MARCHF3: variants seen among roughly 807,000 people sequenced by gnomAD.
MARCHF3 encodes E3 ubiquitin-protein ligase MARCHF3.
Under a neutral mutation model 24.2 loss-of-function variants are expected in MARCHF3, and 13 were observed. That is an observed-to-expected ratio of 0.54 (90% confidence interval 0.35 to 0.85). MARCHF3 has a LOEUF of 0.85. Ranked by LOEUF, MARCHF3 falls within the 40% of genes least tolerant of loss-of-function variation. The probability of loss-of-function intolerance (pLI) is 0.01; values close to 1 mark genes in which losing one functional copy is unlikely to be tolerated. For missense variants in MARCHF3, 276 were observed against 325.0 expected, an observed-to-expected ratio of 0.85 and a Z score of 1.16; for synonymous variants, 144 against 137.3, an observed-to-expected ratio of 1.05 and a Z score of -0.34.
At chr5:126,900,071 C>G (rs1293557622) in intron 3 of MARCHF3, among the ~76,000 whole-genome samples, 1 of 152,106 alleles carries the variant, frequency 6.6e-6, no homozygotes, top group African/African-American at 2.4e-5. Context: ...ATCCTTCCCT[C>G]CTTGCTAACT....
At chr5:126,995,195 A>G (rs1243639434) in intron 1 of MARCHF3, among the ~76,000 whole-genome samples, 1 of 151,728 alleles carries the variant, frequency 6.6e-6, no homozygotes, top group Non-Finnish European at 1.5e-5. Context: ...ATTAACCACT[A>G]CTCTTGGTCT....
chr5:126,999,950 T>A (rs1368735766), intron 1 of MARCHF3, among the ~76,000 whole-genome samples: 2 of 151,394 alleles, frequency 1.3e-5, no homozygotes, highest in African/African-American at 4.8e-5. Flanking sequence ...CTAGTGAGAC[T>A]CTGACTTAAG....
chr5:126,959,571 C>T (rs1750570127), intron 1 of MARCHF3, among the ~76,000 whole-genome samples: 1 of 152,094 alleles, frequency 6.6e-6, no homozygotes, highest in Non-Finnish European at 1.5e-5. Flanking sequence ...TAGCTAATAT[C>T]ATAATAATGC....
chr5:126,951,051 C>A (rs1228464787), intron 1 of MARCHF3, among the ~76,000 whole-genome samples: 1 of 152,156 alleles, frequency 6.6e-6, no homozygotes, highest in Non-Finnish European at 1.5e-5. Flanking sequence ...CTTCTGCCAC[C>A]ACCACTTCAA....
rs368154534 is a variant in MARCHF3 at position 127,019,139 on chromosome 5, G to T, written c.-57+11211C>A. ...AATTAGTACATTCAAGTTCATTAGG[G>T]TTTATTGTGGTTCTACTCAGAATAA... On this transcript the variant is annotated intron_variant, in intron 1 of 4. Coordinates refer to ENST00000308660, the MANE Select transcript of MARCHF3 (RefSeq NM_178450.5). Among the ~76,000 whole-genome samples, 8 of 152,194 alleles carry T rather than the reference G, an allele frequency of 5.3e-5. No individual in the cohort carries two copies. In the East Asian group the frequency reaches 1.5e-3, roughly 29 times the overall value.
chr5:126,908,793 C>A (rs4448052), intron 3 of MARCHF3, among the ~76,000 whole-genome samples: 5 of 151,594 alleles, frequency 3.3e-5, no homozygotes, highest in East Asian at 1.9e-4. Context: ...AGAGTAATTC[C>A]ATCGTCTGAA....
chr5:126,888,614 A>C (rs1753572836), intron 3 of MARCHF3, among the ~76,000 whole-genome samples: 1 of 152,256 alleles, frequency 6.6e-6, no homozygotes, highest in Admixed American at 6.5e-5. Context: ...CTTCAGAATT[A>C]TGTGGCATAT....
In MARCHF3 at chr5:126,909,588, T is replaced by G. The variant is rs145264604; in HGVS notation, c.393+5342A>C. On this transcript the variant is annotated intron_variant, in intron 3 of 4. Coordinates refer to ENST00000308660, the MANE Select transcript of MARCHF3 (RefSeq NM_178450.5). ...GGTGGGAGTGACTCGATTTTCCAGG[T>G]GTCGTCTGTCACCACTTTCTTTGAC... Among the ~76,000 whole-genome samples, 47 of 152,330 alleles carry G rather than the reference T, an allele frequency of 3.1e-4. No homozygotes were observed. The East Asian group carries it at 8.5e-3, about 27-fold the overall frequency.
chr5:126,920,987 T>C (rs921988079), intron 1 of MARCHF3, among the ~76,000 whole-genome samples: 15 of 151,816 alleles, frequency 9.9e-5, no homozygotes, highest in African/African-American at 3.6e-4. Context: ...AACCACACCT[T>C]GCCTTCTCCT....
rs1384615064 is a variant in MARCHF3 at position 126,897,048 on chromosome 5, T to TTTTTTTTTTTTTTTC, written c.393+17881_393+17882insGAAAAAAAAAAAAAA. Among the ~76,000 whole-genome samples, 2 of 143,370 alleles carry TTTTTTTTTTTTTTTC rather than the reference T, an allele frequency of 1.4e-5. 1 individual carries two copies. Among genetic ancestry groups the TTTTTTTTTTTTTTTC allele is most frequent in the Non-Finnish European group, 3.0e-5 (2 of 66,584 alleles). The allele number at this position is 143,370 out of a possible 152,430, so 94.1% of individuals were successfully genotyped here. A position where few individuals can be genotyped will look rare whatever the true frequency, so the allele number is the denominator to read the frequency against. On this transcript the variant is annotated intron_variant, in intron 3 of 4. Transcript: ENST00000308660. Reference sequence around the variant, plus strand: ...TCCAACTTTCTGAAGTTTGAGAATTTTTTTTTTTGAGATGGAGTTTCACTT... The same window carrying TTTTTTTTTTTTTTTC: ...TCCAACTTTCTGAAGTTTGAGAATTTTTTTTTTTTTTTTTCTTTTTTTTGAGATGGAGTTTCACTT...
At chr5:126,985,705 G>C (rs1343412801) in intron 1 of MARCHF3, among the ~76,000 whole-genome samples, 2 of 152,106 alleles carry the variant, frequency 1.3e-5, no homozygotes, top group Non-Finnish European at 2.9e-5. Context: ...TCGATCTCCT[G>C]ACCTCGTGAT....
At chr5:126,885,018 G>A (rs1277022176) in intron 3 of MARCHF3, among the ~76,000 whole-genome samples, 4 of 151,950 alleles carry the variant, frequency 2.6e-5, no homozygotes, top group Non-Finnish European at 5.9e-5. Flanking sequence ...CAGCCTTTGC[G>A]CATATTCTTT....
chr5:126,894,405 T>C (rs1329574308), intron 3 of MARCHF3, among the ~76,000 whole-genome samples: 1 of 151,724 alleles, frequency 6.6e-6, no homozygotes, highest in African/African-American at 2.4e-5. Flanking sequence ...CATTTTGGCA[T>C]GATTTTGCAG....
At chr5:126,876,051 T>G (rs1389828885) in intron 4 of MARCHF3, among the ~76,000 whole-genome samples, 5 of 152,220 alleles carry the variant, frequency 3.3e-5, no homozygotes, top group Non-Finnish European at 5.9e-5. Context: ...TGTTACCATT[T>G]TCCTGAAAGA....
At position 126,869,793 on chromosome 5, in the gene MARCHF3, T is replaced by C. The variant is rs1752903561; in HGVS notation, c.*840A>G. On this transcript the variant is annotated 3_prime_UTR_variant, in exon 5 of 5. Coordinates refer to ENST00000308660, the MANE Select transcript of MARCHF3 (RefSeq NM_178450.5). ...TTTTTGCTTTTCCTTTTTTTCCTTT[T>C]AAAACCTGCTTTGGGAAACTTCACA... The C allele has an allele frequency of 6.6e-6, 1 of 152,494 alleles. No individual in the cohort carries two copies. The highest frequency in any genetic ancestry group is 2.4e-5 in the African/African-American group (1 of 41,396). 9.4% of individuals were successfully genotyped at this position (152,494 alleles called of 1,614,324 possible). A position where few individuals can be genotyped will look rare whatever the true frequency, so the allele number is the denominator to read the frequency against.
At chr5:126,925,642 T>C (rs1453400873) in intron 1 of MARCHF3, among the ~76,000 whole-genome samples, 2 of 152,208 alleles carry the variant, frequency 1.3e-5, no homozygotes, top group African/African-American at 4.8e-5. Flanking sequence ...GACAGCTGAA[T>C]TGCACTTGTA....
intron 1 of MARCHF3, among the ~76,000 whole-genome samples, chr5:126,994,935 G>A (rs1751898039): frequency 6.6e-6 from 1 of 152,214 alleles, no homozygotes; most frequent in African/African-American, 2.4e-5. Flanking sequence ...GATGTTCGAG[G>A]GCAGAAAGCA....
chr5:126,897,588 A>G (rs1358981458), intron 3 of MARCHF3, among the ~76,000 whole-genome samples: 2 of 152,126 alleles, frequency 1.3e-5, no homozygotes, highest in African/African-American at 4.8e-5. Flanking sequence ...AAATTCAGAT[A>G]ATATAAAAAG....
intron 1 of MARCHF3, among the ~76,000 whole-genome samples, chr5:127,007,097 C>T (rs894658022): frequency 8.6e-5 from 13 of 151,894 alleles, no homozygotes; most frequent in Non-Finnish European, 1.3e-4. Context: ...AACAAAGTAA[C>T]AAGCAAGATA....
Sources: allele counts gnomAD v4.1 joint callset (sites outside exome capture counted in the v4.1 genomes callset), GRCh38; gene constraint gnomAD v4.1.1; transcripts MANE v1.5; gene names NCBI Gene and HGNC (gene_info 2026-07-23, HGNC 2026-07-21).